CSMD1: variants seen among roughly 807,000 people sequenced by gnomAD.
The protein encoded by CSMD1 is CUB and sushi domain-containing protein 1.
CSMD1 carries 213 observed loss-of-function variants against 417.5 expected under a neutral mutation model. That is an observed-to-expected ratio of 0.51 (90% confidence interval 0.46 to 0.57). The LOEUF is 0.57. CSMD1 is among the 20% of genes least tolerant of loss of function. CSMD1 has a pLI of 0.00. For synonymous variants in CSMD1, 2,862 were observed against 1,736.8 expected (o/e 1.65, Z -16.11); for missense variants, 6,923 against 4,529.7 (o/e 1.53, Z -15.17).
At chr8:3,667,025 A>G (rs538429881) in intron 7 of CSMD1, among the ~76,000 whole-genome samples, 1 of 152,320 alleles carries the variant, frequency 6.6e-6, no homozygotes, top group African/African-American at 2.4e-5. Flanking sequence ...GAAGGCGCCA[A>G]GCTAGAAGTA....
In CSMD1 at chr8:4,096,348, A is replaced by G. The variant is rs374382244; in HGVS notation, c.416-64249T>C. Among the ~76,000 whole-genome samples the G allele has an allele frequency of 1.9e-3, 293 of 152,246 alleles. 1 individual carries two copies. Among genetic ancestry groups the G allele is most frequent in the Middle Eastern group, 6.8e-3 (2 of 294 alleles). Reference sequence around the variant, plus strand: ...ACAACCCAGAAATAGGACAGCTTGGATTTCCATATGGGGCTCCCAGACATG... The same window carrying G: ...ACAACCCAGAAATAGGACAGCTTGGGTTTCCATATGGGGCTCCCAGACATG... On this transcript the variant is annotated intron_variant, in intron 3 of 69. Transcript: ENST00000635120.
intron 25 of CSMD1, among the ~76,000 whole-genome samples, chr8:3,298,677 C>A (rs58738564): frequency 0.038 from 5,722 of 152,270 alleles, 229 homozygotes; most frequent in Admixed American, 0.11. Context: ...TGGTCTTGAA[C>A]TCCTGATCTC....
chr8:4,368,616 G>C (rs1017513098), intron 3 of CSMD1, among the ~76,000 whole-genome samples: 9 of 152,160 alleles, frequency 5.9e-5, no homozygotes, highest in East Asian at 5.8e-4. Context: ...CTTTTGGTTG[G>C]TAGGCTTTTT....
chr8:4,453,686 C>A lies in CSMD1; in HGVS notation c.303-33621G>T, dbSNP rs73660856. Among the ~76,000 whole-genome samples, 11 of 152,022 alleles carry A rather than the reference C, an allele frequency of 7.2e-5. 1 individual carries two copies. Among genetic ancestry groups the A allele is most frequent in the African/African-American group, 2.7e-4 (11 of 41,360 alleles). ...CCTGCAGGTCCCGCAGTCTACAGAC[C>A]ATGCCTGCTTGGGTATGCACAGGCA... On this transcript the variant is annotated intron_variant, in intron 2 of 69. Coordinates refer to ENST00000635120, the MANE Select transcript of CSMD1 (RefSeq NM_033225.6).
chr8:3,151,184 T>C (rs1819172228), intron 40 of CSMD1: 1 of 473,882 alleles, frequency 2.1e-6, no homozygotes, highest in Non-Finnish European at 3.8e-6. Context: ...CCAATTTAAT[T>C]TGCCTTGAAA....
At chr8:4,251,462 A>C (rs539629059) in intron 3 of CSMD1, among the ~76,000 whole-genome samples, 1 of 152,308 alleles carries the variant, frequency 6.6e-6, no homozygotes, top group South Asian at 2.1e-4. Context: ...CCCCTACACC[A>C]TGCAGTGTTG....
chr8:4,735,225 A>T (rs1003674580), intron 1 of CSMD1, among the ~76,000 whole-genome samples: 6 of 152,152 alleles, frequency 3.9e-5, no homozygotes, highest in African/African-American at 1.4e-4. Context: ...ACCAAATGCG[A>T]GAGGATACTT....
At chr8:4,494,846 T>C (rs1404850118) in intron 2 of CSMD1, among the ~76,000 whole-genome samples, 1 of 152,152 alleles carries the variant, frequency 6.6e-6, no homozygotes. Context: ...AGAGTCAGGG[T>C]AGGTAGCAAT....
At chr8:4,893,434 G>A (rs1201232739) in intron 1 of CSMD1, among the ~76,000 whole-genome samples, 4 of 151,892 alleles carry the variant, frequency 2.6e-5, no homozygotes, top group Non-Finnish European at 5.9e-5. Flanking sequence ...GTAGTTAAAT[G>A]TTTTTCTTTA....
At chr8:3,064,334 G>C (rs1052061254) in intron 49 of CSMD1, among the ~76,000 whole-genome samples, 1 of 152,122 alleles carries the variant, frequency 6.6e-6, no homozygotes. Context: ...TGAGTTCTCA[G>C]GAGATCTGAT....
intron 3 of CSMD1, among the ~76,000 whole-genome samples, chr8:4,149,872 A>C (rs1796476721): frequency 6.6e-6 from 1 of 152,212 alleles, no homozygotes; most frequent in Non-Finnish European, 1.5e-5. Flanking sequence ...GATTATTTGT[A>C]AGCTGACCCA....
chr8:4,234,748 G>C (rs1801944538), intron 3 of CSMD1, among the ~76,000 whole-genome samples: 1 of 152,104 alleles, frequency 6.6e-6, no homozygotes. Context: ...CTGGAGTCGT[G>C]GCTGCTCCCA....
At chr8:3,003,656 T>A (rs1049034645) in intron 52 of CSMD1, among the ~76,000 whole-genome samples, 1 of 152,142 alleles carries the variant, frequency 6.6e-6, no homozygotes, top group Non-Finnish European at 1.5e-5. Context: ...TAAGACACAA[T>A]CGCAGAGGGT....
chr8:4,645,632 A>G (rs1230691734), intron 1 of CSMD1, among the ~76,000 whole-genome samples: 1 of 152,078 alleles, frequency 6.6e-6, no homozygotes, highest in African/African-American at 2.4e-5. Context: ...TAGACTGGCA[A>G]AAAGAGATGT....
intron 5 of CSMD1, among the ~76,000 whole-genome samples, chr8:3,961,873 C>A (rs890950845): frequency 1.1e-4 from 17 of 152,142 alleles, no homozygotes; most frequent in African/African-American, 4.1e-4. Context: ...AGTCCTAAAA[C>A]AGCGCATCCT....
intron 3 of CSMD1, among the ~76,000 whole-genome samples, chr8:4,367,569 A>G (rs956727611): frequency 1.3e-5 from 2 of 152,102 alleles, no homozygotes; most frequent in Non-Finnish European, 2.9e-5. Flanking sequence ...TATAAATTTT[A>G]GAATGGTTTT....
chr8:3,812,081 G>T (rs1327987228), intron 5 of CSMD1, among the ~76,000 whole-genome samples: 6 of 152,082 alleles, frequency 3.9e-5, no homozygotes, highest in African/African-American at 1.4e-4. Flanking sequence ...AGTCACTGGG[G>T]TAATGAATAA....
rs36194482 is a variant in CSMD1, at chr8:4,912,122, CAAAA to C, written c.85+82206_85+82209del. Among the ~76,000 whole-genome samples the C allele has an allele frequency of 2.5e-3, 210 of 84,596 alleles. No individual in the cohort carries two copies. In the Middle Eastern group the frequency reaches 0.051, roughly 21 times the overall value. 55.5% of individuals were successfully genotyped at this position (84,596 alleles called of 152,430 possible). Reference sequence around the variant, plus strand: ...ACTTTTCTAGTGCTCAACATAGCTTCAAAAAAAAAAAAAAAAAAAGAAAGAAAGA... The same window carrying C: ...ACTTTTCTAGTGCTCAACATAGCTTCAAAAAAAAAAAAAAAGAAAGAAAGA... On this transcript the variant is annotated intron_variant, in intron 1 of 69. Coordinates refer to ENST00000635120, the MANE Select transcript of CSMD1 (RefSeq NM_033225.6).
intron 2 of CSMD1, among the ~76,000 whole-genome samples, chr8:4,422,454 G>A (rs1234298734): frequency 6.6e-6 from 1 of 152,030 alleles, no homozygotes. Context: ...CATAGGGTAA[G>A]CATACGGTAA....
Sources: gnomAD v4.1 joint callset for allele counts (sites outside exome capture counted in the v4.1 genomes callset) on GRCh38, gnomAD v4.1.1 for gene constraint, MANE v1.5 for transcripts, NCBI Gene and HGNC (gene_info 2026-07-23, HGNC 2026-07-21) for gene names.